The following FAM91A1 variants were observed in gnomAD, a reference collection of about 807,000 sequenced individuals.
The protein encoded by FAM91A1 is protein FAM91A1.
In FAM91A1, 41 loss-of-function variants were observed where a neutral mutation model predicts 113.5. The observed-to-expected ratio is 0.36, with a 90% CI of 0.28 to 0.47. The LOEUF (loss-of-function observed/expected upper bound fraction) is 0.47, where lower values mean the gene tolerates loss of function less well. Among genes scored for constraint, FAM91A1 ranks in the 20% least tolerant of loss-of-function variants. The pLI is 1.00. For synonymous variants in FAM91A1, 307 were observed against 347.9 expected (o/e 0.88, Z 1.31); for missense variants, 696 against 1,001.2 (o/e 0.70, Z 4.11).
chr8:123,796,271 G>T (rs1250547596), intron 15 of FAM91A1, among the ~76,000 whole-genome samples: 1 of 152,150 alleles, frequency 6.6e-6, no homozygotes, highest in Non-Finnish European at 1.5e-5. Flanking sequence ...AAGTCTGGAA[G>T]AATTACACCA....
chr8:123,810,568 C>T, intron 23 of FAM91A1: 1 of 615,436 alleles, frequency 1.6e-6, no homozygotes, highest in Non-Finnish European at 2.9e-6. Context: ...TGTTCTGTGC[C>T]AGTGCTTTAT....
intron 1 of FAM91A1, among the ~76,000 whole-genome samples, chr8:123,772,062 G>A (rs1282126821): frequency 6.6e-6 from 1 of 152,152 alleles, no homozygotes; most frequent in African/African-American, 2.4e-5. Context: ...GGAGTAGGAG[G>A]GGAGCCCAGG....
chr8:123,777,935 T>C, intron 4 of FAM91A1, 90 bp from the exon 5 acceptor site: 3 of 1,106,690 alleles, frequency 2.7e-6, no homozygotes, highest in Non-Finnish European at 4.0e-6. Context: ...AAGATGAAAA[T>C]AAGCTCGGGT....
chr8:123,807,168 TA>T (rs1815831980), intron 20 of FAM91A1, among the ~76,000 whole-genome samples: 1 of 152,194 alleles, frequency 6.6e-6, no homozygotes. Context: ...TACTTACTCC[TA>T]TCTCATTTGT....
intron 8 of FAM91A1, among the ~76,000 whole-genome samples, chr8:123,781,755 G>A (rs1563638642): frequency 1.3e-5 from 2 of 152,166 alleles, no homozygotes; most frequent in African/African-American, 4.8e-5. Flanking sequence ...AAAGTGCTGG[G>A]ATTACAGGCG....
chr8:123,802,434 A>G (rs1472196970), intron 18 of FAM91A1, among the ~76,000 whole-genome samples: 1 of 152,152 alleles, frequency 6.6e-6, no homozygotes, highest in African/African-American at 2.4e-5. Context: ...AAGTGACATC[A>G]CAGGAGGTGG....
intron 20 of FAM91A1, among the ~76,000 whole-genome samples, chr8:123,807,290 G>A (rs1199126019): frequency 4.6e-5 from 7 of 151,920 alleles, no homozygotes; most frequent in African/African-American, 1.2e-4. Context: ...CCTTTTTTAT[G>A]TCATTCATTC....
At chr8:123,803,640 G>A (rs771343840) in intron 18 of FAM91A1, among the ~76,000 whole-genome samples, 1 of 152,072 alleles carries the variant, frequency 6.6e-6, no homozygotes, top group Non-Finnish European at 1.5e-5. Context: ...AAGGAGTTTT[G>A]CTTTTGCTAA....
chr8:123,801,125 A>G (rs1223658905), intron 18 of FAM91A1, among the ~76,000 whole-genome samples: 1 of 152,192 alleles, frequency 6.6e-6, no homozygotes, highest in Non-Finnish European at 1.5e-5. Flanking sequence ...AAGTGGCTGC[A>G]TCATTTTACA....
At position 123,813,441 on chromosome 8, in the gene FAM91A1, A is replaced by G. The variant is rs1402299096; in HGVS notation, c.*737A>G. 1 of 152,592 alleles carries G rather than the reference A, an allele frequency of 6.6e-6. No homozygotes were observed. The highest frequency in any genetic ancestry group is 6.5e-5 in the Admixed American group (1 of 15,284). 9.5% of individuals were successfully genotyped at this position (152,592 alleles called of 1,614,324 possible). ...TTATATTTTCATAGAGTCTTTATGG[A>G]AAAAATAGAATTTATTTTCCACTCT... On this transcript the variant is annotated 3_prime_UTR_variant, in exon 24 of 24. Coordinates refer to ENST00000334705, the MANE Select transcript of FAM91A1 (RefSeq NM_144963.4).
At chr8:123,796,232 T>C (rs1815517368) in intron 15 of FAM91A1, among the ~76,000 whole-genome samples, 1 of 152,192 alleles carries the variant, frequency 6.6e-6, no homozygotes, top group Admixed American at 6.5e-5. Context: ...GTCTGCTCTA[T>C]GGAAGAGAAC....
intron 23 of FAM91A1, 83 bp downstream of exon 23, chr8:123,810,434 C>A: frequency 8.6e-7 from 1 of 1,158,044 alleles, no homozygotes; most frequent in Non-Finnish European, 1.3e-6. Context: ...TTTGAGTCAC[C>A]ACAGCAGCAA....
At chr8:123,808,819 C>A in intron 21 of FAM91A1, 74 bp from the exon 22 acceptor site, 1 of 1,365,260 alleles carries the variant, frequency 7.3e-7, no homozygotes, top group Non-Finnish European at 9.8e-7. Context: ...TTAAGAAACC[C>A]TTGTCAGTTA....
intron 15 of FAM91A1, among the ~76,000 whole-genome samples, chr8:123,792,090 G>A (rs1245047652): frequency 6.6e-6 from 1 of 152,086 alleles, no homozygotes; most frequent in African/African-American, 2.4e-5. Context: ...CAGGAGAATT[G>A]CTTGAACCTG....
chr8:123,799,712 A>G (rs1244317325), intron 17 of FAM91A1, 58 bp downstream of exon 17: 1 of 1,604,610 alleles, frequency 6.2e-7, no homozygotes, highest in Non-Finnish European at 8.5e-7. Context: ...ATGCTAGATA[A>G]TTTCTTAATA....
intron 15 of FAM91A1, among the ~76,000 whole-genome samples, chr8:123,797,781 A>G (rs1407162966): frequency 6.6e-6 from 1 of 152,228 alleles, no homozygotes; most frequent in Non-Finnish European, 1.5e-5. Flanking sequence ...TCAAGGGTCA[A>G]CGGTATGCCA....
intron 18 of FAM91A1, among the ~76,000 whole-genome samples, chr8:123,804,469 T>A (rs1477616062): frequency 1.7e-5 from 2 of 117,048 alleles, no homozygotes; most frequent in Non-Finnish European, 3.2e-5. Context: ...CCAGTCTGAG[T>A]AACAGAGCAA....
In FAM91A1 at chr8:123,814,014, A is replaced by G. The variant is rs1322532883; in HGVS notation, c.*1310A>G. 1 of 265,956 alleles carries G rather than the reference A, an allele frequency of 3.8e-6. No individual in the cohort carries two copies. Among genetic ancestry groups the G allele is most frequent in the African/African-American group, 2.4e-5 (1 of 42,116 alleles). The allele number at this position is 265,956 out of a possible 1,614,324, so 16.5% of individuals were successfully genotyped here. On this transcript the variant is annotated 3_prime_UTR_variant, in exon 24 of 24. Coordinates refer to ENST00000334705, the MANE Select transcript of FAM91A1 (RefSeq NM_144963.4). ...GTGTATTTAACATACATACTTCAGG[A>G]AATATATGCCTTTCCTAAAACTTAA...
chr8:123,791,208 C>T (rs1815374283), intron 15 of FAM91A1, among the ~76,000 whole-genome samples: 1 of 151,600 alleles, frequency 6.6e-6, no homozygotes, highest in East Asian at 1.9e-4. Flanking sequence ...TTAGCTAAAT[C>T]TTCTGCTTGT....
Sources: gnomAD v4.1 joint callset for allele counts (sites outside exome capture counted in the v4.1 genomes callset) on GRCh38, gnomAD v4.1.1 for gene constraint, MANE v1.5 for transcripts, NCBI Gene and HGNC (gene_info 2026-07-23, HGNC 2026-07-21) for gene names.